NXPH1: variants seen among roughly 807,000 people sequenced by gnomAD.
NXPH1 encodes the protein neurexophilin-1.
A neutral mutation model predicts 23.7 loss-of-function variants in NXPH1; 5 were observed. The observed-to-expected ratio is 0.21, with a 90% CI of 0.11 to 0.44. The LOEUF is 0.44. Among genes scored for constraint, NXPH1 ranks in the 20% least tolerant of loss-of-function variants. The pLI is 0.99. For missense variants in NXPH1, 324 were observed against 321.6 expected (o/e 1.01, Z -0.06); for synonymous variants, 144 against 122.2 (o/e 1.18, Z -1.18).
At chr7:8,539,308 G>C (rs1190712833) in intron 2 of NXPH1, among the ~76,000 whole-genome samples, 1 of 151,798 alleles carries the variant, frequency 6.6e-6, no homozygotes, top group African/African-American at 2.4e-5. Flanking sequence ...AACAGCTAAA[G>C]AAGCTGCAAG....
chr7:8,697,516 G>C (rs567610995), intron 2 of NXPH1, among the ~76,000 whole-genome samples: 2 of 152,306 alleles, frequency 1.3e-5, no homozygotes, highest in South Asian at 4.1e-4. Context: ...ACAGACTGAA[G>C]TGCTGGGGTA....
chr7:8,720,130 G>GACTTCCA (rs1779947341), intron 2 of NXPH1, among the ~76,000 whole-genome samples: 1 of 138,388 alleles, frequency 7.2e-6, no homozygotes, highest in South Asian at 2.4e-4. Context: ...TCAAGGATTG[G>GACTTCCA]GGAATGCCTC....
intron 2 of NXPH1, among the ~76,000 whole-genome samples, chr7:8,668,955 G>A (rs145489895): frequency 1.3e-5 from 2 of 151,874 alleles, no homozygotes; most frequent in Non-Finnish European, 2.9e-5. Flanking sequence ...ATGGGGACTG[G>A]CATGAAGCCT....
intron 2 of NXPH1, among the ~76,000 whole-genome samples, chr7:8,721,818 G>A (rs543846090): frequency 1.3e-5 from 2 of 152,122 alleles, no homozygotes; most frequent in African/African-American, 2.4e-5. Context: ...CATCCAGTTC[G>A]AAAAAACCAT....
chr7:8,478,613 C>A (rs906112144), intron 2 of NXPH1, among the ~76,000 whole-genome samples: 1 of 151,764 alleles, frequency 6.6e-6, no homozygotes, highest in Non-Finnish European at 1.5e-5. Context: ...GAAAACTTTC[C>A]AGAAATAAAA....
chr7:8,605,956 A>AT (rs1819478600), intron 2 of NXPH1, among the ~76,000 whole-genome samples: 1 of 152,062 alleles, frequency 6.6e-6, no homozygotes, highest in Non-Finnish European at 1.5e-5. Flanking sequence ...TGAGGCCAAC[A>AT]TTTTTTCCTT....
chr7:8,461,588 T>A (rs569478280), intron 2 of NXPH1, among the ~76,000 whole-genome samples: 71 of 150,710 alleles, frequency 4.7e-4, no homozygotes, highest in African/African-American at 1.7e-3. Context: ...CCCAGCACTT[T>A]GGGAGGCCGA....
chr7:8,647,168 G>A (rs777416432), intron 2 of NXPH1, among the ~76,000 whole-genome samples: 1 of 152,208 alleles, frequency 6.6e-6, no homozygotes, highest in Non-Finnish European at 1.5e-5. Flanking sequence ...AGAGCCAAGT[G>A]TGGAGAAACT....
intron 2 of NXPH1, among the ~76,000 whole-genome samples, chr7:8,608,548 G>A (rs1157259055): frequency 6.6e-6 from 1 of 152,070 alleles, no homozygotes; most frequent in East Asian, 1.9e-4. Context: ...AGTGGCAGAG[G>A]TGGAGTGAGA....
chr7:8,661,269 G>T lies in NXPH1; in HGVS notation c.55-89739G>T, dbSNP rs374534488. 2.0e-5 allele frequency among the ~76,000 whole-genome samples: 3 copies of T among 152,268 alleles called. No individual in the cohort carries two copies. The South Asian group carries it at 6.2e-4, about 32-fold the overall frequency. On this transcript the variant is annotated intron_variant, in intron 2 of 2. Transcript: ENST00000405863. Reference sequence around the variant, plus strand: ...ATTGTTGGAGAACAATTTGAACTGAGGATGGGTTATGAAAAGATCTTTTTA... The same window carrying T: ...ATTGTTGGAGAACAATTTGAACTGATGATGGGTTATGAAAAGATCTTTTTA...
chr7:8,618,743 C>G (rs17152788), intron 2 of NXPH1, among the ~76,000 whole-genome samples: 47,846 of 152,026 alleles, frequency 0.31, 8,511 homozygotes, highest in African/African-American at 0.47. Context: ...TGAGATTATA[C>G]AAGATATTTA....
intron 2 of NXPH1, among the ~76,000 whole-genome samples, chr7:8,438,414 A>T (rs927248824): frequency 9.9e-5 from 15 of 152,230 alleles, no homozygotes; most frequent in Non-Finnish European, 1.6e-4. Flanking sequence ...CATTATTTTA[A>T]TTTTCTCTTG....
intron 2 of NXPH1, among the ~76,000 whole-genome samples, chr7:8,476,293 T>C (rs1278706104): frequency 6.6e-6 from 1 of 152,144 alleles, no homozygotes; most frequent in Non-Finnish European, 1.5e-5. Flanking sequence ...CCCTGTTCTT[T>C]CTCTGTCAGC....
At chr7:8,441,006 G>C (rs1296755228) in intron 2 of NXPH1, among the ~76,000 whole-genome samples, 1 of 152,212 alleles carries the variant, frequency 6.6e-6, no homozygotes, top group Non-Finnish European at 1.5e-5. Context: ...CTGCTCTCAA[G>C]TGGGAAGTTA....
At chr7:8,733,047 GC>G (rs1311329560) in intron 2 of NXPH1, among the ~76,000 whole-genome samples, 3 of 151,304 alleles carry the variant, frequency 2.0e-5, no homozygotes, top group African/African-American at 7.3e-5. Flanking sequence ...TACCTGACAG[GC>G]CCCCTGTGTG....
chr7:8,541,604 AAAG>A (rs1423102906), intron 2 of NXPH1, among the ~76,000 whole-genome samples: 1 of 151,732 alleles, frequency 6.6e-6, no homozygotes, highest in African/African-American at 2.4e-5. Flanking sequence ...ATGGGTAAAT[AAAG>A]AAGAATTTTT....
At chr7:8,590,821 A>G (rs547221103) in intron 2 of NXPH1, among the ~76,000 whole-genome samples, 1 of 152,130 alleles carries the variant, frequency 6.6e-6, no homozygotes, top group South Asian at 2.1e-4. Flanking sequence ...TTGCTCTTTT[A>G]AAAATGGTAT....
At chr7:8,534,605 G>A (rs1817999647) in intron 2 of NXPH1, among the ~76,000 whole-genome samples, 1 of 152,030 alleles carries the variant, frequency 6.6e-6, no homozygotes. Flanking sequence ...CTAAGAATTT[G>A]GAGAAGAAAA....
At chr7:8,591,993 G>A (rs1819106243) in intron 2 of NXPH1, among the ~76,000 whole-genome samples, 1 of 151,816 alleles carries the variant, frequency 6.6e-6, no homozygotes, top group Admixed American at 6.6e-5. Context: ...TAGGAGCCAG[G>A]CATATGATGG....
Sources: allele counts gnomAD v4.1 joint callset (sites outside exome capture counted in the v4.1 genomes callset), GRCh38; gene constraint gnomAD v4.1.1; transcripts MANE v1.5; gene names NCBI Gene and HGNC (gene_info 2026-07-23, HGNC 2026-07-21).